Variants in CDH13 observed in about 807,000 individuals in gnomAD.
CDH13 encodes cadherin-13.
In CDH13, 24 loss-of-function variants were observed where a neutral mutation model predicts 63.8. The observed-to-expected ratio is 0.38, with a 90% CI of 0.27 to 0.53. CDH13 has a LOEUF of 0.53. Ranked by LOEUF, CDH13 falls within the 20% of genes least tolerant of loss-of-function variation. The pLI is 0.85. For missense variants in CDH13, 1,049 were observed against 903.1 expected, an observed-to-expected ratio of 1.16 and a Z score of -2.07; for synonymous variants, 503 against 355.3, an observed-to-expected ratio of 1.42 and a Z score of -4.67.
intron 2 of CDH13, among the ~76,000 whole-genome samples, chr16:82,931,406 C>T (rs1466413321): frequency 6.6e-6 from 1 of 152,156 alleles, no homozygotes; most frequent in Non-Finnish European, 1.5e-5. Flanking sequence ...TCACATCCTA[C>T]TTTTCAAAAT....
At chr16:83,331,734 C>G (rs1295829222) in intron 5 of CDH13, among the ~76,000 whole-genome samples, 1 of 152,112 alleles carries the variant, frequency 6.6e-6, no homozygotes, top group East Asian at 1.9e-4. Context: ...TAGTTTTAGT[C>G]AGAATTTGTA....
intron 3 of CDH13, among the ~76,000 whole-genome samples, chr16:83,119,712 A>G (rs572113181): frequency 1.6e-4 from 24 of 152,290 alleles, no homozygotes; most frequent in African/African-American, 5.8e-4. Context: ...CACACGCACA[A>G]ACACAGAGAG....
At chr16:83,719,651 C>T (rs1224458623) in intron 10 of CDH13, among the ~76,000 whole-genome samples, 2 of 152,152 alleles carry the variant, frequency 1.3e-5, no homozygotes, top group Non-Finnish European at 2.9e-5. Context: ...TAAACCCCCA[C>T]GGTGACGCTA....
intron 1 of CDH13, among the ~76,000 whole-genome samples, chr16:82,830,834 C>T (rs1197350717): frequency 6.6e-6 from 1 of 152,162 alleles, no homozygotes; most frequent in Non-Finnish European, 1.5e-5. Flanking sequence ...CATAGCCTGG[C>T]TCTTGTTTGA....
chr16:83,513,465 C>A (rs1200932712), intron 7 of CDH13, among the ~76,000 whole-genome samples: 1 of 151,310 alleles, frequency 6.6e-6, no homozygotes, highest in Non-Finnish European at 1.5e-5. Flanking sequence ...AAAGACTTAC[C>A]CTAGACTGAA....
intron 7 of CDH13, among the ~76,000 whole-genome samples, chr16:83,571,292 G>A (rs1017762665): frequency 1.3e-5 from 2 of 152,038 alleles, no homozygotes; most frequent in African/African-American, 4.8e-5. Flanking sequence ...GTCACATGAG[G>A]GACAGTGAGA....
intron 4 of CDH13, among the ~76,000 whole-genome samples, chr16:83,136,359 G>A (rs537924155): frequency 2.6e-5 from 4 of 151,752 alleles, no homozygotes; most frequent in South Asian, 4.2e-4. Context: ...AGTGGTGTGC[G>A]CCTGTAGTCC....
rs1425603652 is a variant in CDH13 at position 83,104,412 on chromosome 16, A to G, written c.367-20973A>G. Among the ~76,000 whole-genome samples the G allele has an allele frequency of 2.0e-5, 3 of 152,204 alleles. No individual in the cohort carries two copies. In the East Asian group the frequency reaches 5.8e-4, roughly 29 times the overall value. ...GTGAGGCTCTGTAATGCGACAAAAA[A>G]CACAGAGCAGAGAGAAGAGAGAGGC... On this transcript the variant is annotated intron_variant, in intron 3 of 13. Transcript: ENST00000567109.
At chr16:82,944,388 T>C (rs192996965) in intron 2 of CDH13, among the ~76,000 whole-genome samples, 42 of 152,318 alleles carry the variant, frequency 2.8e-4, no homozygotes, top group African/African-American at 9.6e-4. Context: ...TATGGGATTG[T>C]TGATCTCTCA....
At chr16:83,013,443 C>T (rs981050806) in intron 2 of CDH13, among the ~76,000 whole-genome samples, 6 of 152,206 alleles carry the variant, frequency 3.9e-5, no homozygotes, top group African/African-American at 1.4e-4. Context: ...ACGCAGCTGC[C>T]ATAAACAAAC....
intron 4 of CDH13, among the ~76,000 whole-genome samples, chr16:83,137,810 G>A (rs2151669202): frequency 6.6e-6 from 1 of 152,084 alleles, no homozygotes; most frequent in East Asian, 1.9e-4. Flanking sequence ...GTTTTGAAGA[G>A]GATTGAAGTA....
intron 7 of CDH13, among the ~76,000 whole-genome samples, chr16:83,518,297 C>T (rs112908814): frequency 0.051 from 7,690 of 151,730 alleles, 649 homozygotes; most frequent in African/African-American, 0.17. Context: ...GCACATGCCA[C>T]CACACGTGGC....
intron 6 of CDH13, among the ~76,000 whole-genome samples, chr16:83,385,147 CTA>C (rs1229012361): frequency 1.3e-5 from 2 of 152,172 alleles, no homozygotes; most frequent in African/African-American, 4.8e-5. Flanking sequence ...ACATTTCATC[CTA>C]TAAAAGTAAG....
At chr16:83,235,011 A>G (rs1269420553) in intron 5 of CDH13, among the ~76,000 whole-genome samples, 1 of 152,200 alleles carries the variant, frequency 6.6e-6, no homozygotes, top group African/African-American at 2.4e-5. Context: ...AGCCTGGGCA[A>G]CATAGAGATT....
intron 3 of CDH13, among the ~76,000 whole-genome samples, chr16:83,081,371 C>G (rs1028227619): frequency 6.6e-6 from 1 of 152,110 alleles, no homozygotes; most frequent in Non-Finnish European, 1.5e-5. Context: ...AACACAGGAT[C>G]ACAGCTATGC....
chr16:83,241,276 T>G (rs1012996454), intron 5 of CDH13, among the ~76,000 whole-genome samples: 5 of 152,234 alleles, frequency 3.3e-5, no homozygotes, highest in African/African-American at 4.8e-5. Flanking sequence ...TCTTGACTAT[T>G]GTAAATTACA....
chr16:83,440,308 C>G (rs1482208917), intron 6 of CDH13, among the ~76,000 whole-genome samples: 1 of 152,142 alleles, frequency 6.6e-6, no homozygotes, highest in Non-Finnish European at 1.5e-5. Context: ...CAGCACTGAC[C>G]AGGACAGATG....
intron 9 of CDH13, among the ~76,000 whole-genome samples, chr16:83,672,549 C>G (rs759975695): frequency 6.7e-6 from 1 of 149,188 alleles, no homozygotes; most frequent in Non-Finnish European, 1.5e-5. Context: ...CTCAGTCTCC[C>G]GAGTAGCTGG....
intron 1 of CDH13, among the ~76,000 whole-genome samples, chr16:82,838,763 G>C (rs1287900328): frequency 6.6e-6 from 1 of 152,150 alleles, no homozygotes; most frequent in African/African-American, 2.4e-5. Context: ...TTCTGTGATT[G>C]ATGTCATACG....
Sources: allele counts gnomAD v4.1 joint callset (sites outside exome capture counted in the v4.1 genomes callset), GRCh38; gene constraint gnomAD v4.1.1; transcripts MANE v1.5; gene names NCBI Gene and HGNC (gene_info 2026-07-23, HGNC 2026-07-21).